Variants in MAP3K5 observed in about 807,000 individuals in gnomAD.
MAP3K5 encodes the protein ASK-1.
MAP3K5 carries 56 observed loss-of-function variants against 158.7 expected under a neutral mutation model. That is an observed-to-expected ratio of 0.35 (90% CI 0.28 to 0.44). MAP3K5 has a LOEUF of 0.44. Ranked by LOEUF, MAP3K5 falls within the 20% of genes least tolerant of loss-of-function variation. The pLI is 1.00. For synonymous variants in MAP3K5, 579 were observed against 601.7 expected (o/e 0.96, Z 0.55); for missense variants, 1,294 against 1,674.8 (o/e 0.77, Z 3.97).
At chr6:136,745,441 A>C (rs746950129) in intron 1 of MAP3K5, among the ~76,000 whole-genome samples, 21 of 152,170 alleles carry the variant, frequency 1.4e-4, no homozygotes, top group Non-Finnish European at 1.5e-4. Flanking sequence ...AAAGAGTTAA[A>C]GGAAAGGCCG....
intron 1 of MAP3K5, among the ~76,000 whole-genome samples, chr6:136,727,056 G>C (rs1320986133): frequency 1.3e-5 from 2 of 152,068 alleles, no homozygotes; most frequent in Non-Finnish European, 2.9e-5. Flanking sequence ...CCTAACTAAA[G>C]AAAACATTAT....
At chr6:136,778,774 C>T (rs1159351132) in intron 1 of MAP3K5, among the ~76,000 whole-genome samples, 2 of 152,174 alleles carry the variant, frequency 1.3e-5, no homozygotes, top group African/African-American at 2.4e-5. Flanking sequence ...GACACTGAGA[C>T]CACTGTTGGT....
At position 136,604,363 on chromosome 6, in the gene MAP3K5, A is replaced by T. The variant is rs1451695905; in HGVS notation, c.2679+846T>A. Among the ~76,000 whole-genome samples, 9 of 152,188 alleles carry T rather than the reference A, an allele frequency of 5.9e-5. No homozygotes were observed. In the South Asian group the frequency reaches 1.7e-3, roughly 28 times the overall value. ...AAAGAAAGAAAGAAAAAAAGAAAAA[A>T]AAAGAAAAGAAAAAGTCCTTTGCCT... On this transcript the variant is annotated intron_variant, in intron 19 of 29. Coordinates refer to ENST00000359015, the MANE Select transcript of MAP3K5 (RefSeq NM_005923.4).
At chr6:136,578,187 T>C (rs1193387964) in intron 25 of MAP3K5, among the ~76,000 whole-genome samples, 1 of 152,232 alleles carries the variant, frequency 6.6e-6, no homozygotes, top group African/African-American at 2.4e-5. Flanking sequence ...ATAAAGTATC[T>C]GAATATAAAT....
chr6:136,658,980 G>A (rs1583362868), intron 9 of MAP3K5, among the ~76,000 whole-genome samples: 1 of 152,214 alleles, frequency 6.6e-6, no homozygotes, highest in East Asian at 1.9e-4. Flanking sequence ...GCCAATCTGG[G>A]CCAGTGGGTT....
intron 1 of MAP3K5, among the ~76,000 whole-genome samples, chr6:136,721,087 C>T (rs964191283): frequency 6.6e-6 from 1 of 151,966 alleles, no homozygotes; most frequent in Non-Finnish European, 1.5e-5. Flanking sequence ...CCCAAACCTG[C>T]ATTTTTTTTA....
rs17796823 is a variant in MAP3K5 at position 136,698,230 on chromosome 6, T to C, written c.806+259A>G. Among the ~76,000 whole-genome samples the C allele has an allele frequency of 2.7e-3, 404 of 152,346 alleles. 5 individuals are homozygous for C. Among genetic ancestry groups the C allele is most frequent in the East Asian group, 0.022 (115 of 5,176 alleles). ...ATCCTGGTATTGTTTCTGTACTTGC[T>C]TTGTATATATTTTTAGTTCTACCAT... On this transcript the variant is annotated intron_variant, in intron 4 of 29. Transcript: ENST00000359015.
At position 136,557,691 on chromosome 6, in the gene MAP3K5, C is replaced by A; in HGVS notation, c.*67G>T. 8.7e-7 allele frequency: 1 copy of A among 1,153,900 alleles called. No individual in the cohort carries two copies. The highest frequency in any genetic ancestry group is 1.2e-5 in the South Asian group (1 of 80,566). The allele number at this position is 1,153,900 out of a possible 1,614,324, so 71.5% of individuals were successfully genotyped here. ...CTTTCTCCTCTCCCTTCGATTTTCCCACCCCCAAGAAGATCAGCTCTGTAT... is the reference window on the plus strand; with the variant it reads ...CTTTCTCCTCTCCCTTCGATTTTCCAACCCCCAAGAAGATCAGCTCTGTAT... On this transcript the variant is annotated 3_prime_UTR_variant, in exon 30 of 30. Transcript: ENST00000359015.
intron 23 of MAP3K5, among the ~76,000 whole-genome samples, chr6:136,588,317 C>T (rs1468089259): frequency 1.3e-5 from 2 of 152,180 alleles, no homozygotes; most frequent in East Asian, 3.9e-4. Context: ...TCACTTAGGA[C>T]TGCATGACTT....
chr6:136,625,378 A>C (rs928903003), intron 14 of MAP3K5, among the ~76,000 whole-genome samples: 6 of 152,206 alleles, frequency 3.9e-5, no homozygotes, highest in Admixed American at 1.3e-4. Flanking sequence ...CTTAATGCCC[A>C]GGAGGGGATA....
At chr6:136,769,271 G>C (rs1205364795) in intron 1 of MAP3K5, among the ~76,000 whole-genome samples, 1 of 152,228 alleles carries the variant, frequency 6.6e-6, no homozygotes, top group Non-Finnish European at 1.5e-5. Context: ...CATATTGTAT[G>C]ATTCCACTTC....
chr6:136,756,693 A>C (rs187498508), intron 1 of MAP3K5, among the ~76,000 whole-genome samples: 1 of 152,340 alleles, frequency 6.6e-6, no homozygotes, highest in African/African-American at 2.4e-5. Flanking sequence ...TGAAGGTCAT[A>C]CTATTGGATG....
intron 18 of MAP3K5, among the ~76,000 whole-genome samples, chr6:136,608,293 AG>A (rs1776187018): frequency 6.6e-6 from 1 of 151,670 alleles, no homozygotes; most frequent in Admixed American, 6.6e-5. Context: ...CAAGCCACTG[AG>A]GGCTCTGAGC....
intron 1 of MAP3K5, among the ~76,000 whole-genome samples, chr6:136,757,586 A>ATTT (rs897486770): frequency 3.1e-5 from 4 of 127,814 alleles, no homozygotes; most frequent in Non-Finnish European, 4.9e-5. Flanking sequence ...TTTATTTTTT[A>ATTT]TTTTTTTTTT....
At chr6:136,678,333 A>T (rs1357003605) in intron 7 of MAP3K5, among the ~76,000 whole-genome samples, 1 of 152,214 alleles carries the variant, frequency 6.6e-6, no homozygotes, top group Non-Finnish European at 1.5e-5. Flanking sequence ...AATATATTTG[A>T]TCACTCTCAT....
intron 1 of MAP3K5, among the ~76,000 whole-genome samples, chr6:136,764,663 G>A (rs541771925): frequency 3.9e-5 from 6 of 152,120 alleles, no homozygotes; most frequent in African/African-American, 7.2e-5. Context: ...TGGTTATGCC[G>A]CAACAGAAAA....
At chr6:136,638,271 G>A (rs574870163) in intron 13 of MAP3K5, among the ~76,000 whole-genome samples, 1 of 152,166 alleles carries the variant, frequency 6.6e-6, no homozygotes, top group African/African-American at 2.4e-5. Flanking sequence ...TTAAGGATTT[G>A]CATCAGCCAC....
chr6:136,748,015 G>T (rs537394485), intron 1 of MAP3K5, among the ~76,000 whole-genome samples: 105 of 152,214 alleles, frequency 6.9e-4, no homozygotes, highest in Non-Finnish European at 1.3e-3. Flanking sequence ...TGATCTAAGA[G>T]ATGGATTTCA....
At chr6:136,746,185 G>A (rs373520029) in intron 1 of MAP3K5, among the ~76,000 whole-genome samples, 6 of 152,048 alleles carry the variant, frequency 3.9e-5, no homozygotes, top group Admixed American at 2.6e-4. Flanking sequence ...AAATACAGCA[G>A]GTTTATGGCT....
Sources: allele counts gnomAD v4.1 joint callset (sites outside exome capture counted in the v4.1 genomes callset), GRCh38; gene constraint gnomAD v4.1.1; transcripts MANE v1.5; gene names NCBI Gene and HGNC (gene_info 2026-07-23, HGNC 2026-07-21).